Variants in GPC5 observed in about 807,000 individuals in gnomAD.
GPC5 encodes glypican 5.
A neutral mutation model predicts 53.9 loss-of-function variants in GPC5; 47 were observed. The observed-to-expected ratio is 0.87, with a 90% CI of 0.69 to 1.11. The LOEUF (loss-of-function observed/expected upper bound fraction) is 1.11. GPC5 is among the 50% of genes most tolerant of loss of function. GPC5 has a pLI of 0.00. For missense variants in GPC5, 748 were observed against 713.1 expected, an observed-to-expected ratio of 1.05 and a Z score of -0.56; for synonymous variants, 286 against 263.3, an observed-to-expected ratio of 1.09 and a Z score of -0.84.
chr13:91,485,175 C>CT (rs1883525685), intron 2 of GPC5, among the ~76,000 whole-genome samples: 1 of 150,494 alleles, frequency 6.6e-6, no homozygotes, highest in Non-Finnish European at 1.5e-5. Flanking sequence ...CCTAAATAAT[C>CT]TGCTATGTTT....
intron 2 of GPC5, among the ~76,000 whole-genome samples, chr13:91,623,611 G>A (rs1028204141): frequency 6.6e-6 from 1 of 152,102 alleles, no homozygotes; most frequent in Non-Finnish European, 1.5e-5. Flanking sequence ...ATAACAGGCA[G>A]TCTCTAAATG....
At chr13:92,358,141 C>A (rs918108303) in intron 7 of GPC5, among the ~76,000 whole-genome samples, 2 of 151,660 alleles carry the variant, frequency 1.3e-5, no homozygotes, top group African/African-American at 4.9e-5. Flanking sequence ...ACTCCCTTTC[C>A]AAAAGGGGGA....
At chr13:92,409,004 A>C (rs1313222392) in intron 7 of GPC5, among the ~76,000 whole-genome samples, 3 of 152,110 alleles carry the variant, frequency 2.0e-5, no homozygotes, top group Non-Finnish European at 4.4e-5. Flanking sequence ...TTGTACAGTA[A>C]ATGATGTTTT....
chr13:91,914,103 A>C (rs2039635949), intron 6 of GPC5, among the ~76,000 whole-genome samples: 1 of 152,194 alleles, frequency 6.6e-6, no homozygotes, highest in Non-Finnish European at 1.5e-5. Flanking sequence ...TCAGCAAAAA[A>C]GTCACAGTTC....
At chr13:92,279,601 T>C (rs1408980483) in intron 7 of GPC5, among the ~76,000 whole-genome samples, 7 of 152,006 alleles carry the variant, frequency 4.6e-5, no homozygotes, top group Non-Finnish European at 1.0e-4. Flanking sequence ...TTGAGTAGGC[T>C]GGGTATTTTT....
chr13:91,701,709 A>G (rs1371816788), intron 3 of GPC5, among the ~76,000 whole-genome samples: 1 of 152,078 alleles, frequency 6.6e-6, no homozygotes, highest in Non-Finnish European at 1.5e-5. Context: ...ATGGACACTT[A>G]GATTGATTCT....
intron 7 of GPC5, among the ~76,000 whole-genome samples, chr13:92,737,893 T>A (rs2139306888): frequency 6.6e-6 from 1 of 150,826 alleles, no homozygotes; most frequent in African/African-American, 2.4e-5. Context: ...CAGCCTGCTG[T>A]GTAGCTGGCA....
intron 7 of GPC5, among the ~76,000 whole-genome samples, chr13:92,165,115 G>A (rs1368685222): frequency 1.3e-5 from 2 of 152,148 alleles, no homozygotes; most frequent in Non-Finnish European, 2.9e-5. Flanking sequence ...GACATGCCCT[G>A]GAGACATTTT....
At chr13:91,976,188 G>T (rs1045421859) in intron 6 of GPC5, among the ~76,000 whole-genome samples, 2 of 152,136 alleles carry the variant, frequency 1.3e-5, no homozygotes, top group Non-Finnish European at 2.9e-5. Flanking sequence ...GAGTTAATGG[G>T]TGCAGCACAC....
intron 2 of GPC5, among the ~76,000 whole-genome samples, chr13:91,454,835 C>A (rs1322347410): frequency 4.6e-5 from 7 of 151,872 alleles, no homozygotes. Context: ...TTTCTCAAAC[C>A]CCTGGGCTCA....
At chr13:92,176,448 A>C (rs1330987) in intron 7 of GPC5, among the ~76,000 whole-genome samples, 99,968 of 151,906 alleles carry the variant, frequency 0.66, 33,583 homozygotes, top group Middle Eastern at 0.88. Flanking sequence ...CACTGGGTAC[A>C]CAGCACACTA....
intron 7 of GPC5, among the ~76,000 whole-genome samples, chr13:92,751,305 A>T (rs1889387647): frequency 1.1e-5 from 1 of 93,836 alleles, no homozygotes; most frequent in African/African-American, 6.1e-5. Flanking sequence ...GAAACATTTA[A>T]AAAAAAAAAA....
intron 2 of GPC5, among the ~76,000 whole-genome samples, chr13:91,577,429 G>A (rs903759349): frequency 2.0e-5 from 3 of 152,146 alleles, no homozygotes; most frequent in Non-Finnish European, 4.4e-5. Flanking sequence ...TGGCTACTTT[G>A]GAAAGAAGTC....
chr13:91,986,577 T>C (rs1048090891), intron 6 of GPC5, among the ~76,000 whole-genome samples: 14 of 152,210 alleles, frequency 9.2e-5, no homozygotes, highest in African/African-American at 2.9e-4. Flanking sequence ...AAGCATGACA[T>C]GACTCCTATA....
At chr13:92,594,761 C>T (rs538459620) in intron 7 of GPC5, among the ~76,000 whole-genome samples, 5 of 152,174 alleles carry the variant, frequency 3.3e-5, no homozygotes, top group Admixed American at 2.0e-4. Context: ...TGAAATGAAA[C>T]GTCCCCATTC....
chr13:92,697,692 TC>T (rs1887599902), intron 7 of GPC5, among the ~76,000 whole-genome samples: 1 of 152,190 alleles, frequency 6.6e-6, no homozygotes, highest in South Asian at 2.1e-4. Context: ...TTTATTTATT[TC>T]TCTTACCTGA....
intron 6 of GPC5, among the ~76,000 whole-genome samples, chr13:92,027,167 T>C (rs2040807612): frequency 6.6e-6 from 1 of 152,174 alleles, no homozygotes; most frequent in East Asian, 1.9e-4. Context: ...AATAAGTACA[T>C]ATTTTCCTTT....
intron 3 of GPC5, among the ~76,000 whole-genome samples, chr13:91,728,217 T>G (rs565044024): frequency 5.9e-5 from 9 of 152,282 alleles, no homozygotes; most frequent in Non-Finnish European, 1.3e-4. Context: ...TCATAAATAA[T>G]ATCTATTTTG....
rs1214952786 is a variant in GPC5 at position 91,735,008 on chromosome 13, T to A, written c.1154+6343T>A. ...ATTCCATATATTAATTTGTTCCTTT[T>A]AGACATTGAAAACATTTTTTATCTA... On this transcript the variant is annotated intron_variant, in intron 4 of 7. Transcript: ENST00000377067. 4.0e-5 allele frequency among the ~76,000 whole-genome samples: 6 copies of A among 151,182 alleles called. 1 individual carries two copies. Among genetic ancestry groups the A allele is most frequent in the African/African-American group, 1.5e-4 (6 of 40,636 alleles).
Sources: gnomAD v4.1 joint callset for allele counts (sites outside exome capture counted in the v4.1 genomes callset) on GRCh38, gnomAD v4.1.1 for gene constraint, MANE v1.5 for transcripts, NCBI Gene and HGNC (gene_info 2026-07-23, HGNC 2026-07-21) for gene names.